DHX35: variants seen among roughly 807,000 people sequenced by gnomAD.
DHX35 encodes the protein DEAH-box helicase 35.
A neutral mutation model predicts 99.6 loss-of-function variants in DHX35; 84 were observed. The observed-to-expected ratio is 0.84, with a 90% confidence interval of 0.71 to 1.01. DHX35 has a LOEUF of 1.01. Ranked by LOEUF, DHX35 falls within the 50% of genes least tolerant of loss-of-function variation. The pLI is 0.00. For synonymous variants in DHX35, 331 were observed against 316.2 expected (o/e 1.05, Z -0.50); for missense variants, 852 against 888.5 (o/e 0.96, Z 0.52).
chr20:38,977,908 G>C, intron 3 of DHX35: 1 of 582,676 alleles, frequency 1.7e-6, no homozygotes, highest in Non-Finnish European at 3.2e-6. Context: ...TTTTTCTTCA[G>C]TTTCCTCATC....
intron 13 of DHX35, 52 bp downstream of exon 13, chr20:39,010,456 G>C: frequency 6.2e-7 from 1 of 1,605,298 alleles, no homozygotes; most frequent in South Asian, 1.1e-5. Flanking sequence ...AGCTCACAGG[G>C]GGATGTCAGG....
chr20:38,986,442 T>G (rs2086250499), intron 4 of DHX35, among the ~76,000 whole-genome samples: 1 of 152,186 alleles, frequency 6.6e-6, no homozygotes, highest in Admixed American at 6.5e-5. Context: ...AATAAACAGG[T>G]TTGGCTTTTA....
At chr20:39,009,961 G>A (rs537581772) in intron 12 of DHX35, among the ~76,000 whole-genome samples, 42 of 152,110 alleles carry the variant, frequency 2.8e-4, no homozygotes, top group Admixed American at 5.9e-4. Context: ...AACAGAGATG[G>A]TGGCAACTGG....
chr20:38,978,420 C>A, intron 3 of DHX35: 2 of 648,494 alleles, frequency 3.1e-6, no homozygotes, highest in Non-Finnish European at 5.7e-6. Flanking sequence ...TCACATCTTT[C>A]ATGGGGTGGT....
At chr20:39,001,668 C>G (rs2145894273) in intron 8 of DHX35, 62 bp from the exon 9 acceptor site, 1 of 1,310,076 alleles carries the variant, frequency 7.6e-7, no homozygotes, top group South Asian at 1.3e-5. Flanking sequence ...TTTTTTCTTT[C>G]CATGAATCGC....
chr20:39,018,862 T>C lies in DHX35; in HGVS notation c.1461T>C (p.Pro487=). The C allele has an allele frequency of 6.2e-7, 1 of 1,614,108 alleles. No individual in the cohort carries two copies. Among genetic ancestry groups the C allele is most frequent in the Non-Finnish European group, 8.5e-7 (1 of 1,179,982 alleles). ...TTGGCATGAGAATTGCAGAGTTTCC[T>C]TTGAATCCCATGTTTGCCAAAATGC... ...EPLGMRIAEF[P]LNPMFAKMLL... The change falls in exon 15 of 22, where the codon CCT becomes CCC. Residue 487 remains proline, a synonymous_variant. Transcript: ENST00000252011.
chr20:38,978,879 G>A (rs1034874789), intron 3 of DHX35, among the ~76,000 whole-genome samples: 4 of 152,158 alleles, frequency 2.6e-5, no homozygotes, highest in Non-Finnish European at 5.9e-5. Context: ...TGTGGTGAGA[G>A]TTAGGGAACT....
intron 8 of DHX35, 100 bp downstream of exon 8, chr20:38,994,980 T>C: frequency 1.0e-6 from 1 of 1,003,546 alleles, no homozygotes. Flanking sequence ...TTTGGCAGAA[T>C]GCCCTATCTT....
rs963704513 is a variant in DHX35, at chr20:38,972,583, A to G, written c.199A>G (p.Ile67Val). 6.2e-7 allele frequency: 1 copy of G among 1,612,010 alleles called. No individual in the cohort carries two copies. The highest frequency in any genetic ancestry group is 1.3e-5 in the African/African-American group (1 of 75,008). The part of the protein sequence containing the change: ...FKLRNHILYL[I>V]ENYQTVVIVG... ...GCTTAGGAATCATATTTTATACTTG[A>G]TAGAAAATTATCAGACAGTGGTGAT... The change falls in exon 3 of 22, where the codon ATA (isoleucine) becomes GTA (valine). Residue 67 changes from isoleucine to valine, a missense_variant. Transcript: ENST00000252011.
intron 8 of DHX35, among the ~76,000 whole-genome samples, chr20:38,998,735 C>A (rs1182994232): frequency 1.3e-5 from 2 of 152,106 alleles, no homozygotes; most frequent in African/African-American, 4.8e-5. Context: ...TTTTGTATTT[C>A]CAAATAAAGA....
chr20:38,970,959 T>A (rs1361984095), intron 2 of DHX35, among the ~76,000 whole-genome samples: 1 of 152,086 alleles, frequency 6.6e-6, no homozygotes, highest in East Asian at 1.9e-4. Context: ...AGTTGAGATC[T>A]TATAAGATGT....
intron 3 of DHX35, among the ~76,000 whole-genome samples, chr20:38,972,866 T>C (rs1670327453): frequency 6.6e-6 from 1 of 152,236 alleles, no homozygotes; most frequent in Admixed American, 6.5e-5. Context: ...AATTCCAAAA[T>C]AGTAATGGAA....
At chr20:38,991,651 G>T in intron 6 of DHX35, 136 bp downstream of exon 6, 1 of 671,842 alleles carries the variant, frequency 1.5e-6, no homozygotes, top group Non-Finnish European at 2.4e-6. Flanking sequence ...TTGGCTGTTG[G>T]GACCCTTGGT....
At chr20:39,001,187 A>T (rs2086514005) in intron 8 of DHX35, among the ~76,000 whole-genome samples, 1 of 152,206 alleles carries the variant, frequency 6.6e-6, no homozygotes, top group African/African-American at 2.4e-5. Flanking sequence ...CCTCGCACTC[A>T]CTACTGTAGG....
At chr20:39,003,254 C>T (rs1020626718) in intron 10 of DHX35, among the ~76,000 whole-genome samples, 4 of 152,134 alleles carry the variant, frequency 2.6e-5, no homozygotes, top group African/African-American at 4.8e-5. Context: ...TGATAAGTGG[C>T]CATATTACTG....
At chr20:39,020,033 C>A (rs563710184) in intron 15 of DHX35, among the ~76,000 whole-genome samples, 1 of 152,284 alleles carries the variant, frequency 6.6e-6, no homozygotes, top group African/African-American at 2.4e-5. Context: ...TAATGTCCTC[C>A]AGTTCCATTT....
intron 10 of DHX35, 89 bp from the exon 11 acceptor site, chr20:39,003,660 G>A: frequency 3.4e-6 from 5 of 1,488,370 alleles, no homozygotes; most frequent in Non-Finnish European, 4.6e-6. Flanking sequence ...TTAAAGTCCA[G>A]ATCCCAACTT....
At chr20:38,977,733 G>T in intron 3 of DHX35, 1 of 404,794 alleles carries the variant, frequency 2.5e-6, no homozygotes, top group Middle Eastern at 8.0e-4. Context: ...TTTTGCTTTA[G>T]TGTTTTCTAC....
At chr20:39,021,307 G>A (rs542393056) in intron 15 of DHX35, among the ~76,000 whole-genome samples, 2 of 152,220 alleles carry the variant, frequency 1.3e-5, no homozygotes, top group African/African-American at 2.4e-5. Flanking sequence ...GAGCAGGTGC[G>A]GAGCTGACCT....
Sources: allele counts gnomAD v4.1 joint callset (sites outside exome capture counted in the v4.1 genomes callset), GRCh38; gene constraint gnomAD v4.1.1; transcripts MANE v1.5; gene names NCBI Gene and HGNC (gene_info 2026-07-23, HGNC 2026-07-21).